The following ETNK1 variants were observed in gnomAD, a reference collection of about 807,000 sequenced individuals.
The protein encoded by ETNK1 is ethanolamine kinase 1, also known as putative protein product of Nbla10396.
ETNK1 carries 8 observed loss-of-function variants against 45.1 expected under a neutral mutation model. The ratio of observed to expected loss-of-function variants is 0.18; its 90% CI spans 0.10 to 0.32. The LOEUF (loss-of-function observed/expected upper bound fraction) is 0.32, where lower values mean the gene tolerates loss of function less well. ETNK1 is among the 10% of genes least tolerant of loss of function. The pLI is 1.00. For synonymous variants in ETNK1, 152 were observed against 151.9 expected, an observed-to-expected ratio of 1.00 and a Z score of -0.01; for missense variants, 302 against 430.6, an observed-to-expected ratio of 0.70 and a Z score of 2.64.
intron 1 of ETNK1, chr12:22,625,803 T>G: frequency 1.3e-6 from 1 of 763,114 alleles, no homozygotes; most frequent in Admixed American, 2.0e-5. Flanking sequence ...AGGCACATTT[T>G]CTCTTTCTAG....
At position 22,673,582 on chromosome 12, in the gene ETNK1, A is replaced by T. The variant is rs140394146; in HGVS notation, c.867A>T (p.Lys289Asn). ...QWLRAYLEAY[K>N]EFKGFGTEVT... ...TGCGTGCTTACCTTGAAGCCTACAAAGAATTTAAGGGCTTTGGGACTGAAG... is the reference window on the plus strand; with the variant it reads ...TGCGTGCTTACCTTGAAGCCTACAATGAATTTAAGGGCTTTGGGACTGAAG... The change falls in exon 6 of 8, where the codon AAA becomes AAT. Residue 289 changes from lysine to asparagine, a missense_variant. Transcript: ENST00000266517. 5.5e-3 allele frequency: 8,883 copies of T among 1,614,002 alleles called. 19 individuals are homozygous for T. The highest frequency in any genetic ancestry group is 6.5e-3 in the Non-Finnish European group (7,694 of 1,179,918).
At chr12:22,669,539 T>C (rs1417479836) in intron 4 of ETNK1, among the ~76,000 whole-genome samples, 1 of 152,202 alleles carries the variant, frequency 6.6e-6, no homozygotes, top group Admixed American at 6.5e-5. Flanking sequence ...ATGAGATTTC[T>C]TCATGGTTTT....
intron 7 of ETNK1, 89 bp from the exon 8 acceptor site, chr12:22,684,793 A>C (rs956840205): frequency 1.9e-6 from 2 of 1,066,222 alleles, no homozygotes; most frequent in African/African-American, 3.2e-5. Flanking sequence ...AACTTTAAGA[A>C]AACCAGCTTA....
At chr12:22,681,792 G>GT (rs1222800133) in intron 6 of ETNK1, among the ~76,000 whole-genome samples, 1 of 151,988 alleles carries the variant, frequency 6.6e-6, no homozygotes, top group Non-Finnish European at 1.5e-5. Flanking sequence ...CAGGATTCCC[G>GT]TATCTGCTTC....
intron 2 of ETNK1, among the ~76,000 whole-genome samples, chr12:22,651,587 A>G (rs1308571386): frequency 6.6e-6 from 1 of 152,104 alleles, no homozygotes; most frequent in Non-Finnish European, 1.5e-5. Context: ...CATTTTTTAA[A>G]AAATACAGCT....
At chr12:22,628,625 A>G (rs1001734711) in intron 1 of ETNK1, among the ~76,000 whole-genome samples, 1 of 152,014 alleles carries the variant, frequency 6.6e-6, no homozygotes, top group African/African-American at 2.4e-5. Flanking sequence ...GGACTCTTAA[A>G]ATTGTTTTTC....
At chr12:22,658,475 C>G (rs1405818398) in intron 2 of ETNK1, among the ~76,000 whole-genome samples, 1 of 152,144 alleles carries the variant, frequency 6.6e-6, no homozygotes, top group East Asian at 1.9e-4. Flanking sequence ...GAATCTGATT[C>G]TGAGTCACAG....
intron 6 of ETNK1, among the ~76,000 whole-genome samples, chr12:22,676,262 T>G (rs1482814777): frequency 6.6e-6 from 1 of 152,194 alleles, no homozygotes; most frequent in African/African-American, 2.4e-5. Flanking sequence ...ATGTGGTGTT[T>G]GGTTTTCTGT....
chr12:22,684,586 T>A (rs1470811268), intron 7 of ETNK1, 30 bp downstream of exon 7: 2 of 1,355,940 alleles, frequency 1.5e-6, no homozygotes, highest in Admixed American at 3.6e-5. Flanking sequence ...ATGATTACAT[T>A]GGTCTCTGCT....
At chr12:22,626,010 C>A (rs1953489645) in intron 1 of ETNK1, 1 of 389,986 alleles carries the variant, frequency 2.6e-6, no homozygotes, top group Non-Finnish European at 5.0e-6. Flanking sequence ...CTCTCCCCTC[C>A]CCCTGCGATG....
At chr12:22,684,451 A>G (rs935049655) in intron 6 of ETNK1, 32 bp from the exon 7 acceptor site, 1 of 1,493,710 alleles carries the variant, frequency 6.7e-7, no homozygotes, top group African/African-American at 1.4e-5. Flanking sequence ...ATTCATTATC[A>G]TAATTTTTGA....
intron 1 of ETNK1, among the ~76,000 whole-genome samples, chr12:22,636,661 A>C (rs1176997419): frequency 1.3e-5 from 2 of 152,182 alleles, no homozygotes; most frequent in Non-Finnish European, 2.9e-5. Flanking sequence ...GCAACTGCAG[A>C]TTGAAAATAT....
intron 1 of ETNK1, chr12:22,625,941 G>A (rs745576746): frequency 1.9e-6 from 1 of 537,170 alleles, no homozygotes; most frequent in African/African-American, 1.9e-5. Flanking sequence ...CGGGGTCCTC[G>A]TCTACCTCCT....
chr12:22,681,564 A>G (rs1004320231), intron 6 of ETNK1, among the ~76,000 whole-genome samples: 7 of 152,026 alleles, frequency 4.6e-5, no homozygotes, highest in African/African-American at 1.7e-4. Context: ...GACCTCTACA[A>G]GCTTTTGTTT....
At position 22,643,831 on chromosome 12, in the gene ETNK1, C is replaced by T. The variant is rs1472115306; in HGVS notation, c.225C>T (p.Val75=). The part of the protein sequence containing the change: ...CYVGNTMEDV[V]LVRIYGNKTE... ...TGGGAAACACCATGGAGGATGTAGT[C>T]CTGGTGAGAATTTATGGCAATAAGA... Residue 75 remains valine, a synonymous_variant, in exon 2 of 8, where the codon GTC becomes GTT. Coordinates refer to ENST00000266517, the MANE Select transcript of ETNK1 (RefSeq NM_018638.5). The T allele has an allele frequency of 4.3e-6, 7 of 1,613,242 alleles. No homozygotes were observed. Among genetic ancestry groups the T allele is most frequent in the Non-Finnish European group, 5.1e-6 (6 of 1,179,442 alleles).
At chr12:22,674,372 T>C (rs1954139831) in intron 6 of ETNK1, among the ~76,000 whole-genome samples, 1 of 152,218 alleles carries the variant, frequency 6.6e-6, no homozygotes, top group Non-Finnish European at 1.5e-5. Flanking sequence ...GAAATATTTG[T>C]TGTGTTGTCT....
At chr12:22,666,823 G>A (rs759470292) in intron 4 of ETNK1, among the ~76,000 whole-genome samples, 3 of 152,132 alleles carry the variant, frequency 2.0e-5, no homozygotes, top group Non-Finnish European at 4.4e-5. Context: ...AATATAAATA[G>A]AAAATGGGTG....
At chr12:22,657,539 A>G (rs537466505) in intron 2 of ETNK1, among the ~76,000 whole-genome samples, 2 of 151,742 alleles carry the variant, frequency 1.3e-5, no homozygotes, top group African/African-American at 4.8e-5. Flanking sequence ...TTTCCTTAGG[A>G]CTATCCATAA....
At position 22,688,790 on chromosome 12, in the gene ETNK1, G is replaced by C. The variant is rs1954281415; in HGVS notation, c.*3836G>C. 1.3e-5 allele frequency: 2 copies of C among 151,978 alleles called. No homozygotes were observed. Among genetic ancestry groups the C allele is most frequent in the African/African-American group, 4.8e-5 (2 of 41,534 alleles). The allele number at this position is 151,978 out of a possible 1,614,324, so 9.4% of individuals were successfully genotyped here. A position where few individuals can be genotyped will look rare whatever the true frequency, so the allele number is the denominator to read the frequency against. On this transcript the variant is annotated 3_prime_UTR_variant, in exon 8 of 8. Transcript: ENST00000266517. ...TCATCTTTCAAAATTGATTTGCTCT[G>C]GTTTTTCTTTAGTCCATTAGATTCC...
Sources: gnomAD v4.1 joint callset for allele counts (sites outside exome capture counted in the v4.1 genomes callset) on GRCh38, gnomAD v4.1.1 for gene constraint, MANE v1.5 for transcripts, NCBI Gene and HGNC (gene_info 2026-07-23, HGNC 2026-07-21) for gene names.